Variants in MAST2 observed in about 807,000 individuals in gnomAD.
MAST2 encodes the protein microtubule-associated serine/threonine-protein kinase 2.
Under a neutral mutation model 147.4 loss-of-function variants are expected in MAST2, and 70 were observed. The observed-to-expected ratio is 0.47, with a 90% CI of 0.39 to 0.58. MAST2 has a LOEUF of 0.58. Among genes scored for constraint, MAST2 ranks in the 20% least tolerant of loss-of-function variants. The pLI, the probability that MAST2 is intolerant of heterozygous loss-of-function variation, is 0.00. For missense variants in MAST2, 2,080 were observed against 2,302.3 expected, an observed-to-expected ratio of 0.90 and a Z score of 1.98; for synonymous variants, 869 against 896.8, an observed-to-expected ratio of 0.97 and a Z score of 0.55.
chr1:45,909,841 C>T (rs979628494), intron 4 of MAST2, among the ~76,000 whole-genome samples: 1 of 150,864 alleles, frequency 6.6e-6, no homozygotes, highest in Non-Finnish European at 1.5e-5. Context: ...TGAAGACAGT[C>T]TCGCTCTGTC....
chr1:46,006,926 G>T (rs1397214698), intron 8 of MAST2, among the ~76,000 whole-genome samples: 1 of 152,204 alleles, frequency 6.6e-6, no homozygotes, highest in East Asian at 1.9e-4. Flanking sequence ...AGCTAAAAAA[G>T]TTGCTGCTGA....
chr1:45,913,205 T>C (rs773647729), intron 4 of MAST2, among the ~76,000 whole-genome samples: 14 of 152,220 alleles, frequency 9.2e-5, no homozygotes, highest in Non-Finnish European at 1.6e-4. Flanking sequence ...ATAATGACTG[T>C]GCTTTGAGCC....
chr1:45,886,118 C>A (rs932562042), intron 4 of MAST2, among the ~76,000 whole-genome samples: 13 of 151,264 alleles, frequency 8.6e-5, no homozygotes, highest in East Asian at 1.9e-4. Context: ...TTTTAAAAAT[C>A]AAAAAATTTT....
At chr1:45,988,663 A>G (rs919062921) in intron 5 of MAST2, among the ~76,000 whole-genome samples, 3 of 152,264 alleles carry the variant, frequency 2.0e-5, no homozygotes, top group Non-Finnish European at 4.4e-5. Flanking sequence ...TATTTATTCA[A>G]TCATTTATAT....
intron 4 of MAST2, among the ~76,000 whole-genome samples, chr1:45,951,827 T>G (rs537845116): frequency 1.3e-5 from 2 of 152,210 alleles, no homozygotes; most frequent in South Asian, 4.1e-4. Flanking sequence ...ACAGAAGATA[T>G]GATCAGATGG....
intron 5 of MAST2, among the ~76,000 whole-genome samples, chr1:45,968,343 T>G (rs1046758959): frequency 2.0e-5 from 3 of 152,202 alleles, no homozygotes; most frequent in African/African-American, 7.2e-5. Context: ...AACAACTTCT[T>G]TTAACATTTC....
At chr1:45,828,925 CA>C (rs1227782052) in intron 2 of MAST2, among the ~76,000 whole-genome samples, 239 of 130,870 alleles carry the variant, frequency 1.8e-3, no homozygotes, top group Admixed American at 2.0e-3. Context: ...CACTCTGTCT[CA>C]AAAAAAAAAA....
intron 1 of MAST2, among the ~76,000 whole-genome samples, chr1:45,804,343 T>C (rs1644076360): frequency 6.6e-6 from 1 of 152,072 alleles, no homozygotes; most frequent in Admixed American, 6.6e-5. Context: ...CGCTGGAATG[T>C]GGGCTGAGTG....
chr1:45,979,603 C>G (rs1335077003), intron 5 of MAST2, among the ~76,000 whole-genome samples: 1 of 152,058 alleles, frequency 6.6e-6, no homozygotes. Flanking sequence ...CTGGGGAAGC[C>G]AAGGTAGGGG....
At chr1:45,911,403 C>T (rs937813650) in intron 4 of MAST2, among the ~76,000 whole-genome samples, 9 of 152,198 alleles carry the variant, frequency 5.9e-5, no homozygotes, top group Non-Finnish European at 1.0e-4. Flanking sequence ...GTTCTCTCTC[C>T]TCCACCCAAG....
At chr1:45,865,202 G>A in intron 3 of MAST2, 1 of 446,204 alleles carries the variant, frequency 2.2e-6, no homozygotes, top group Non-Finnish European at 4.5e-6. Flanking sequence ...TAAATGTACT[G>A]AACAGATTGT....
chr1:46,012,235 A>G (rs1571202850), intron 10 of MAST2, among the ~76,000 whole-genome samples: 1 of 152,228 alleles, frequency 6.6e-6, no homozygotes, highest in African/African-American at 2.4e-5. Context: ...ATTAATGTAG[A>G]GTAACTTCCA....
chr1:46,031,636 C>A lies in MAST2; in HGVS notation c.3187+51C>A, dbSNP rs1259762330. 9 of 1,548,770 alleles carry A rather than the reference C, an allele frequency of 5.8e-6. No homozygotes were observed. The highest frequency in any genetic ancestry group is 3.4e-4 in the Middle Eastern group (2 of 5,870). The stretch of plus-strand genomic sequence containing the variant: ...AAACTCACAGGAAGGGCCTTGTAAT[C>A]TCTAGGCCTTGGGAGGGTTCTGCAC... On this transcript the variant is annotated intron_variant, in intron 24 of 28. Transcript: ENST00000361297. This position sits in a 1 kb window ranked among gnomAD's most constrained non-coding sequence, Gnocchi z 4.1.
intron 4 of MAST2, among the ~76,000 whole-genome samples, chr1:45,932,069 T>C (rs1368219216): frequency 6.6e-6 from 1 of 152,250 alleles, no homozygotes; most frequent in African/African-American, 2.4e-5. Flanking sequence ...TTAACCTTGA[T>C]CACTTTATTA....
chr1:46,023,381 G>A lies in MAST2; in HGVS notation c.1571+63G>A. ...CGGGTCAGCCTTTGATCTCTTCCAT[G>A]TGAGAGTGTATGCTGCCCAGTCCTC... On this transcript the variant is annotated intron_variant, in intron 14 of 28. Coordinates refer to ENST00000361297, the MANE Select transcript of MAST2 (RefSeq NM_015112.3). This position sits in a 1 kb window ranked among gnomAD's most constrained non-coding sequence, Gnocchi z 4.9. 1 of 1,463,740 alleles carries A rather than the reference G, an allele frequency of 6.8e-7. No homozygotes were observed. Among genetic ancestry groups the A allele is most frequent in the Non-Finnish European group, 9.6e-7 (1 of 1,044,540 alleles). The allele number at this position is 1,463,740 out of a possible 1,614,324, so 90.7% of individuals were successfully genotyped here. A position where few individuals can be genotyped will look rare whatever the true frequency, so the allele number is the denominator to read the frequency against.
intron 5 of MAST2, among the ~76,000 whole-genome samples, chr1:45,971,489 G>T (rs1643911047): frequency 6.6e-6 from 1 of 152,172 alleles, no homozygotes; most frequent in Non-Finnish European, 1.5e-5. Context: ...CTGTGTGATT[G>T]GGGCAGAGCA....
At chr1:45,925,965 G>A (rs1654298879) in intron 4 of MAST2, among the ~76,000 whole-genome samples, 1 of 152,146 alleles carries the variant, frequency 6.6e-6, no homozygotes, top group Non-Finnish European at 1.5e-5. Flanking sequence ...TCCAGAACTA[G>A]GCAACCTTTG....
chr1:45,849,392 A>C (rs981329794), intron 3 of MAST2, among the ~76,000 whole-genome samples: 2 of 152,296 alleles, frequency 1.3e-5, no homozygotes, highest in South Asian at 4.1e-4. Context: ...ACATAGATCA[A>C]TGGAACTTTA....
chr1:45,961,839 G>A (rs1447736572), intron 5 of MAST2, among the ~76,000 whole-genome samples: 4 of 152,040 alleles, frequency 2.6e-5, no homozygotes, highest in Admixed American at 2.0e-4. Flanking sequence ...TGTTACATAT[G>A]TATAGATGTG....
Sources: gnomAD v4.1 joint callset for allele counts (sites outside exome capture counted in the v4.1 genomes callset) on GRCh38, gnomAD v4.1.1 for gene constraint, Gnocchi (gnomAD v3.1) non-coding constraint, MANE v1.5 for transcripts, NCBI Gene and HGNC (gene_info 2026-07-23, HGNC 2026-07-21) for gene names.